The following DOCK2 variants were observed in gnomAD, a reference collection of about 807,000 sequenced individuals.
DOCK2 encodes the protein dedicator of cytokinesis 2.
In DOCK2, 87 loss-of-function variants were observed where a neutral mutation model predicts 248.9. The observed-to-expected ratio is 0.35, with a 90% CI of 0.29 to 0.42. The LOEUF is 0.42. Ranked by LOEUF, DOCK2 falls within the 10% of genes least tolerant of loss-of-function variation. The pLI, the probability that DOCK2 is intolerant of heterozygous loss-of-function variation, is 1.00. For missense variants in DOCK2, 1,747 were observed against 2,300.2 expected (o/e 0.76, Z 4.92); for synonymous variants, 805 against 821.6 (o/e 0.98, Z 0.35).
intron 23 of DOCK2, among the ~76,000 whole-genome samples, chr5:169,756,705 C>A (rs112021725): frequency 0.091 from 13,880 of 152,146 alleles, 1,124 homozygotes; most frequent in Admixed American, 0.28. Flanking sequence ...GCGGGTAGAT[C>A]ACTTGAGGTC....
chr5:169,862,042 C>A (rs926263479), intron 27 of DOCK2, among the ~76,000 whole-genome samples: 1 of 151,680 alleles, frequency 6.6e-6, no homozygotes, highest in Non-Finnish European at 1.5e-5. Flanking sequence ...GGAAACATAT[C>A]TATGACCACA....
intron 33 of DOCK2, among the ~76,000 whole-genome samples, chr5:170,024,303 T>G (rs1184071433): frequency 3.3e-5 from 5 of 151,258 alleles, no homozygotes; most frequent in East Asian, 1.9e-4. Flanking sequence ...ATGGTGACAG[T>G]GTTGGGGGTA....
chr5:169,934,760 A>T (rs1426555610), intron 27 of DOCK2: 1 of 454,680 alleles, frequency 2.2e-6, no homozygotes, highest in East Asian at 7.0e-5. Flanking sequence ...TGCTCAGTAA[A>T]TGCTAGTTAT....
At chr5:170,052,821 C>G (rs927467262) in intron 41 of DOCK2, among the ~76,000 whole-genome samples, 8 of 152,318 alleles carry the variant, frequency 5.3e-5, no homozygotes, top group Non-Finnish European at 1.0e-4. Flanking sequence ...TGCTTTCCTG[C>G]ATTTTGCTAA....
At chr5:169,796,207 T>C (rs1192110198) in intron 25 of DOCK2, among the ~76,000 whole-genome samples, 1 of 152,180 alleles carries the variant, frequency 6.6e-6, no homozygotes, top group Non-Finnish European at 1.5e-5. Flanking sequence ...AGAAGTACCG[T>C]GCACTACACT....
At chr5:169,656,421 TCAA>T (rs1055592273) in intron 2 of DOCK2, among the ~76,000 whole-genome samples, 1 of 151,986 alleles carries the variant, frequency 6.6e-6, no homozygotes, top group African/African-American at 2.4e-5. Flanking sequence ...CCTCCCAGAT[TCAA>T]CTGATTCTTG....
intron 2 of DOCK2, among the ~76,000 whole-genome samples, chr5:169,662,693 A>G (rs940932551): frequency 6.6e-6 from 1 of 152,324 alleles, no homozygotes; most frequent in Middle Eastern, 3.4e-3. Context: ...CGTTTAAACC[A>G]TCAGATCTCG....
At chr5:169,946,924 G>A (rs951470828) in intron 27 of DOCK2, among the ~76,000 whole-genome samples, 20 of 152,320 alleles carry the variant, frequency 1.3e-4, no homozygotes, top group African/African-American at 4.3e-4. Flanking sequence ...AGGGAAGAGC[G>A]TGGGCAAGGC....
chr5:169,803,253 A>C (rs1767112575), intron 26 of DOCK2, 47 bp downstream of exon 26: 1 of 1,585,976 alleles, frequency 6.3e-7, no homozygotes, highest in South Asian at 1.1e-5. Flanking sequence ...GACTAGGGCT[A>C]AGTTGATTAC....
intron 27 of DOCK2, among the ~76,000 whole-genome samples, chr5:169,921,378 G>A (rs1454078585): frequency 2.0e-5 from 3 of 152,106 alleles, no homozygotes; most frequent in Non-Finnish European, 4.4e-5. Flanking sequence ...CAGCATAGGG[G>A]TCTTCCAGAA....
At chr5:169,728,229 T>C (rs1176195421) in intron 22 of DOCK2, among the ~76,000 whole-genome samples, 1 of 152,102 alleles carries the variant, frequency 6.6e-6, no homozygotes, top group Non-Finnish European at 1.5e-5. Context: ...GTTTGGGACA[T>C]AAAATGTTTG....
intron 26 of DOCK2, among the ~76,000 whole-genome samples, chr5:169,808,464 G>A (rs1767537442): frequency 6.6e-6 from 1 of 151,998 alleles, no homozygotes; most frequent in South Asian, 2.1e-4. Flanking sequence ...CCTGGCTGTT[G>A]ATTTTTTTTT....
chr5:169,830,729 T>C (rs1480092078), intron 26 of DOCK2, among the ~76,000 whole-genome samples: 2 of 152,238 alleles, frequency 1.3e-5, no homozygotes, highest in Non-Finnish European at 2.9e-5. Context: ...ATGTTTTGCT[T>C]ATTTAGCTGG....
chr5:169,648,037 CTG>C (rs960188198), intron 1 of DOCK2, among the ~76,000 whole-genome samples: 14 of 152,212 alleles, frequency 9.2e-5, no homozygotes, highest in African/African-American at 1.2e-4. Flanking sequence ...TCTTCCAACT[CTG>C]TAGTGTGTGT....
At chr5:169,979,002 T>G (rs1195351642) in intron 27 of DOCK2, among the ~76,000 whole-genome samples, 1 of 152,172 alleles carries the variant, frequency 6.6e-6, no homozygotes, top group Non-Finnish European at 1.5e-5. Context: ...GAATTCTGTT[T>G]TAAGAAGCAA....
chr5:170,012,924 G>A (rs907929819), intron 32 of DOCK2, among the ~76,000 whole-genome samples: 1 of 152,126 alleles, frequency 6.6e-6, no homozygotes, highest in African/African-American at 2.4e-5. Context: ...AAGCCTCGAG[G>A]GCAATTTGTC....
intron 27 of DOCK2, among the ~76,000 whole-genome samples, chr5:169,853,826 T>TTTTTTTTTTTG (rs1770743881): frequency 9.9e-6 from 1 of 100,794 alleles, no homozygotes; most frequent in African/African-American, 3.9e-5. Flanking sequence ...TTTTTTTTTT[T>TTTTTTTTTTTG]TTTTTTTTTT....
chr5:169,723,929 A>G (rs114707764), intron 22 of DOCK2, among the ~76,000 whole-genome samples: 1,677 of 152,308 alleles, frequency 0.011, 32 homozygotes, highest in African/African-American at 0.038. Flanking sequence ...ACTAGAATGT[A>G]GTAAGCACTC....
At position 170,041,409 on chromosome 5, in the gene DOCK2, G is replaced by A. The variant is rs560916025; in HGVS notation, c.3756+264G>A. On this transcript the variant is annotated intron_variant, in intron 37 of 51. Coordinates refer to ENST00000520908, the MANE Select transcript of DOCK2 (RefSeq NM_004946.3). ...ATATAATATCTAAACTGCTATTAAC[G>A]GTAAATCATTGGCATGCCCACTGAG... Among the ~76,000 whole-genome samples, 6 of 152,210 alleles carry A rather than the reference G, an allele frequency of 3.9e-5. No homozygotes were observed. The East Asian group carries it at 5.8e-4, about 15-fold the overall frequency.
Sources: gnomAD v4.1 joint callset for allele counts (sites outside exome capture counted in the v4.1 genomes callset) on GRCh38, gnomAD v4.1.1 for gene constraint, MANE v1.5 for transcripts, NCBI Gene and HGNC (gene_info 2026-07-23, HGNC 2026-07-21) for gene names.